CACNA1S: variants seen among roughly 807,000 people sequenced by gnomAD.
CACNA1S encodes calcium voltage-gated channel subunit alpha1 S.
In CACNA1S, 126 loss-of-function variants were observed where a neutral mutation model predicts 207.4. The observed-to-expected ratio is 0.61, with a 90% confidence interval of 0.53 to 0.70. The LOEUF is 0.70. Among genes scored for constraint, CACNA1S ranks in the 30% least tolerant of loss-of-function variants. The pLI is 0.00. For missense variants in CACNA1S, 2,349 were observed against 2,422.8 expected, an observed-to-expected ratio of 0.97 and a Z score of 0.64; for synonymous variants, 960 against 932.7, an observed-to-expected ratio of 1.03 and a Z score of -0.53.
chr1:201,102,580 G>T (rs978063713), intron 2 of CACNA1S, among the ~76,000 whole-genome samples: 14 of 152,148 alleles, frequency 9.2e-5, no homozygotes, highest in Non-Finnish European at 1.6e-4. Flanking sequence ...TACCCAACAC[G>T]CATCCCAGTC....
At chr1:201,059,138 C>T (rs1466567003) in intron 27 of CACNA1S, 51 bp downstream of exon 27, 2 of 1,186,466 alleles carry the variant, frequency 1.7e-6, no homozygotes, top group African/African-American at 3.0e-5. Flanking sequence ...ACTGGAAGGT[C>T]CCACCCACCA....
At chr1:201,091,869 G>A (rs1662245938) in intron 4 of CACNA1S, 77 bp from the exon 5 acceptor site, 3 of 1,595,876 alleles carry the variant, frequency 1.9e-6, no homozygotes, top group South Asian at 2.2e-5. Context: ...TATAAATCCT[G>A]GGAAGCCCCT....
intron 10 of CACNA1S, among the ~76,000 whole-genome samples, chr1:201,081,172 C>T (rs1661826846): frequency 6.6e-6 from 1 of 152,180 alleles, no homozygotes; most frequent in African/African-American, 2.4e-5. Context: ...GGTCCAGGGC[C>T]CTGTCTCCAG....
chr1:201,070,171 G>A, intron 17 of CACNA1S, 101 bp downstream of exon 17: 1 of 1,280,824 alleles, frequency 7.8e-7, no homozygotes. Context: ...GTTTCTCATA[G>A]TATAACTGTA....
rs1479035132 is a variant in CACNA1S, at chr1:201,059,216, G to A, written c.3498C>T (p.Ile1166=). 1 of 1,613,046 alleles carries A rather than the reference G, an allele frequency of 6.2e-7. No individual in the cohort carries two copies. Among genetic ancestry groups the A allele is most frequent in the Admixed American group, 1.7e-5 (1 of 60,024 alleles). Residue 1166 remains isoleucine (I), a synonymous_variant, in exon 27 of 44, where the codon ATC becomes ATT. Transcript: ENST00000362061. ...TGGCCTTGAAGGCCATGAGCTTGAG[G>A]ATCATCTCCAGGGTGAAGATGATAG... ...AFTIIFTLEM[I]LKLMAFKARG...
chr1:201,103,072 T>C (rs10920117), intron 2 of CACNA1S, among the ~76,000 whole-genome samples: 79,287 of 151,728 alleles, frequency 0.52, 22,041 homozygotes, highest in African/African-American at 0.71. Context: ...GGTGAAACCC[T>C]GTCTCTACTA....
At position 201,094,893 on chromosome 1, in the gene CACNA1S, CT is replaced by C. The variant is rs142294794; in HGVS notation, c.259-873del. On this transcript the variant is annotated intron_variant, in intron 2 of 43. Coordinates refer to ENST00000362061, the MANE Select transcript of CACNA1S (RefSeq NM_000069.3). ...GTTACCCTATCCTTGGCCCCATCACCTTTCCCCCTCTTCTGGGCCCAGGTGA... is the reference window on the plus strand; with the variant it reads ...GTTACCCTATCCTTGGCCCCATCACCTTCCCCCTCTTCTGGGCCCAGGTGA... 6.9e-3 allele frequency among the ~76,000 whole-genome samples: 1,047 copies of C among 152,208 alleles called. 10 individuals are homozygous for C. Among genetic ancestry groups the C allele is most frequent in the African/African-American group, 0.024 (1,004 of 41,498 alleles).
At chr1:201,064,927 G>A (rs1275208945) in intron 22 of CACNA1S, among the ~76,000 whole-genome samples, 2 of 152,222 alleles carry the variant, frequency 1.3e-5, no homozygotes, top group Non-Finnish European at 2.9e-5. Context: ...ATGGGCTGCC[G>A]CAGCCCAGCT....
chr1:201,058,290 T>C, intron 28 of CACNA1S, 118 bp downstream of exon 28: 1 of 881,878 alleles, frequency 1.1e-6, no homozygotes, highest in Non-Finnish European at 1.9e-6. Context: ...TGTCATTCCA[T>C]CTTTTTAACC....
intron 39 of CACNA1S, 100 bp from the exon 40 acceptor site, chr1:201,043,631 G>T (rs1460165465): frequency 2.7e-6 from 3 of 1,102,846 alleles, no homozygotes; most frequent in Non-Finnish European, 4.1e-6. Flanking sequence ...CAATAGTATT[G>T]GGAGACAAAT....
At chr1:201,060,056 G>T (rs1406298203) in intron 26 of CACNA1S, among the ~76,000 whole-genome samples, 2 of 152,114 alleles carry the variant, frequency 1.3e-5, no homozygotes, top group African/African-American at 4.8e-5. Context: ...CTGCGACCTG[G>T]GCCTCCTGGC....
intron 10 of CACNA1S, among the ~76,000 whole-genome samples, chr1:201,078,306 C>T (rs931325712): frequency 1.3e-5 from 2 of 152,056 alleles, no homozygotes; most frequent in East Asian, 1.9e-4. Flanking sequence ...ACTGCAGCCT[C>T]GACTTCCCAG....
chr1:201,076,857 G>A (rs1222797239), intron 12 of CACNA1S, 63 bp downstream of exon 12: 1 of 1,474,148 alleles, frequency 6.8e-7, no homozygotes, highest in Admixed American at 1.7e-5. Flanking sequence ...CCTTGATCTT[G>A]AAGGACAAGA....
intron 2 of CACNA1S, among the ~76,000 whole-genome samples, chr1:201,097,454 C>T (rs1662477170): frequency 6.6e-6 from 1 of 152,172 alleles, no homozygotes; most frequent in African/African-American, 2.4e-5. Flanking sequence ...CACCTTTGCT[C>T]ATCCCGGCCC....
At chr1:201,105,914 C>T (rs1293891045) in intron 2 of CACNA1S, among the ~76,000 whole-genome samples, 1 of 152,182 alleles carries the variant, frequency 6.6e-6, no homozygotes, top group Non-Finnish European at 1.5e-5. Context: ...TTGCCCACAA[C>T]CATCCCCGCC....
chr1:201,069,819 AG>A lies in CACNA1S; in HGVS notation c.2361-219del, dbSNP rs574763775. Among the ~76,000 whole-genome samples, 325 of 152,216 alleles carry A rather than the reference AG, an allele frequency of 2.1e-3. 1 individual carries two copies. Among genetic ancestry groups the A allele is most frequent in the African/African-American group, 7.6e-3 (315 of 41,540 alleles). On this transcript the variant is annotated intron_variant, in intron 17 of 43. Transcript: ENST00000362061. ...AAGCCTTAGTTCCTCCTCCCAGCCA[AG>A]CCCCTCCCACCACCTGCCCCTTCCT...
In CACNA1S at chr1:201,060,831, A is replaced by G; in HGVS notation, c.3256-15T>C. 1 of 1,614,070 alleles carries G rather than the reference A, an allele frequency of 6.2e-7. No homozygotes were observed. On this transcript the variant is annotated splice_polypyrimidine_tract_variant and intron_variant, in intron 25 of 43. Coordinates refer to ENST00000362061, the MANE Select transcript of CACNA1S (RefSeq NM_000069.3). The stretch of plus-strand genomic sequence containing the variant: ...ACACATTGGCGCTGTGACACATACA[A>G]CAGGACAGGTCAGCACCAAGAGGCC...
Position 201,091,748 on chromosome 1 carries a change from G to A in CACNA1S, c.586C>T (p.Leu196Phe), listed in dbSNP as rs1402361054. 1.8e-5 allele frequency: 29 copies of A among 1,614,078 alleles called. No individual in the cohort carries two copies. Among genetic ancestry groups the A allele is most frequent in the Non-Finnish European group, 2.2e-5 (26 of 1,179,912 alleles). Residue 196 changes from leucine to phenylalanine, a missense_variant, in exon 5 of 44, where the codon CTC becomes TTC. Physicochemically the swap from Leu to Phe is conservative, Grantham distance 22. Coordinates refer to ENST00000362061, the MANE Select transcript of CACNA1S (RefSeq NM_000069.3). ...LNSIFKAMLP[L>F]FHIALLVLFM... ...AGGACCAGCAGGGCGATGTGAAAGA[G>A]GGGGAGCATGGCCTTGAAGATGGAG...
At chr1:201,103,428 C>G (rs1662754031) in intron 2 of CACNA1S, among the ~76,000 whole-genome samples, 1 of 112,676 alleles carries the variant, frequency 8.9e-6, no homozygotes, top group African/African-American at 3.3e-5. Flanking sequence ...AGGCTTTCCT[C>G]CAAGGCTTTC....
Sources: allele counts gnomAD v4.1 joint callset (sites outside exome capture counted in the v4.1 genomes callset), GRCh38; gene constraint gnomAD v4.1.1; transcripts MANE v1.5; gene names NCBI Gene and HGNC (gene_info 2026-07-23, HGNC 2026-07-21).